The following LRMDA variants were observed in gnomAD, a reference collection of about 807,000 sequenced individuals.
The protein encoded by LRMDA is leucine-rich melanocyte differentiation-associated protein.
Under a neutral mutation model 29.8 loss-of-function variants are expected in LRMDA, and 18 were observed. The ratio of observed to expected loss-of-function variants is 0.60; its 90% confidence interval spans 0.42 to 0.90. LRMDA has a LOEUF of 0.90. Ranked by LOEUF, LRMDA falls within the 40% of genes least tolerant of loss-of-function variation. The pLI is 0.00. For missense variants in LRMDA, 273 were observed against 273.9 expected (o/e 1.00, Z 0.02); for synonymous variants, 125 against 109.4 (o/e 1.14, Z -0.89).
intron 2 of LRMDA, among the ~76,000 whole-genome samples, chr10:75,898,010 G>C (rs1458193298): frequency 2.0e-5 from 3 of 151,748 alleles, no homozygotes; most frequent in Non-Finnish European, 4.4e-5. Context: ...ATTTTTAGTA[G>C]AGACGGGGTT....
chr10:76,248,151 A>C (rs1370175954), intron 5 of LRMDA, among the ~76,000 whole-genome samples: 2 of 152,140 alleles, frequency 1.3e-5, no homozygotes, highest in Non-Finnish European at 2.9e-5. Flanking sequence ...AGAGTCATTT[A>C]ATAATGTCTG....
intron 2 of LRMDA, among the ~76,000 whole-genome samples, chr10:76,020,122 G>T (rs73279691): frequency 6.6e-6 from 1 of 152,166 alleles, no homozygotes; most frequent in Admixed American, 6.5e-5. Context: ...GCTGAGGAAG[G>T]GCTGCTTGGC....
At chr10:76,332,969 A>C (rs952926271) in intron 6 of LRMDA, among the ~76,000 whole-genome samples, 1 of 152,214 alleles carries the variant, frequency 6.6e-6, no homozygotes. Context: ...GAGCTCTATT[A>C]GTTGGTAAAA....
At chr10:75,829,374 T>C (rs1325186737) in intron 2 of LRMDA, among the ~76,000 whole-genome samples, 1 of 152,136 alleles carries the variant, frequency 6.6e-6, no homozygotes, top group Non-Finnish European at 1.5e-5. Context: ...GGAGAACAGT[T>C]GTCTTTGTTT....
intron 2 of LRMDA, among the ~76,000 whole-genome samples, chr10:75,738,519 T>C (rs2132206867): frequency 6.6e-6 from 1 of 152,308 alleles, no homozygotes; most frequent in Non-Finnish European, 1.5e-5. Context: ...GATCTCCCAA[T>C]TTTGCATGAA....
At chr10:76,170,922 A>T (rs1173539046) in intron 5 of LRMDA, among the ~76,000 whole-genome samples, 1 of 152,246 alleles carries the variant, frequency 6.6e-6, no homozygotes, top group Non-Finnish European at 1.5e-5. Flanking sequence ...GGAGTTAATA[A>T]ATATGAAATG....
intron 6 of LRMDA, among the ~76,000 whole-genome samples, chr10:76,519,539 T>G (rs1466041901): frequency 1.3e-5 from 2 of 152,172 alleles, no homozygotes; most frequent in Non-Finnish European, 2.9e-5. Context: ...GAGAAGGACA[T>G]AAAGAGAAAG....
chr10:76,372,535 C>T (rs1029413048), intron 6 of LRMDA, among the ~76,000 whole-genome samples: 14 of 151,750 alleles, frequency 9.2e-5, no homozygotes, highest in Non-Finnish European at 1.3e-4. Flanking sequence ...ATCACTTGAA[C>T]CGAGGAGGCA....
chr10:75,787,035 G>T (rs890879030), intron 2 of LRMDA, among the ~76,000 whole-genome samples: 1 of 152,200 alleles, frequency 6.6e-6, no homozygotes, highest in South Asian at 2.1e-4. Context: ...GCCCCCACTA[G>T]ATTTGTCTGT....
chr10:75,801,697 C>T (rs903644633), intron 2 of LRMDA, among the ~76,000 whole-genome samples: 4 of 152,218 alleles, frequency 2.6e-5, no homozygotes, highest in East Asian at 1.9e-4. Context: ...ATGAAGTTTA[C>T]ATCCAGGGAT....
At chr10:75,482,454 G>A (rs751400032) in intron 2 of LRMDA, among the ~76,000 whole-genome samples, 5 of 152,216 alleles carry the variant, frequency 3.3e-5, no homozygotes, top group African/African-American at 1.2e-4. Flanking sequence ...CATCTTGGCA[G>A]TAGATGGCTG....
At chr10:75,959,519 A>ATG (rs937441193) in intron 2 of LRMDA, among the ~76,000 whole-genome samples, 2 of 122,872 alleles carry the variant, frequency 1.6e-5, no homozygotes, top group Non-Finnish European at 3.1e-5. Flanking sequence ...ACGTGCATGC[A>ATG]CACACACACA....
chr10:76,418,126 T>C (rs1354108714), intron 6 of LRMDA, among the ~76,000 whole-genome samples: 1 of 152,086 alleles, frequency 6.6e-6, no homozygotes, highest in Admixed American at 6.6e-5. Context: ...TCCATACAAG[T>C]TTTAGAATCA....
chr10:75,500,655 G>A (rs1245223263), intron 2 of LRMDA, among the ~76,000 whole-genome samples: 2 of 152,164 alleles, frequency 1.3e-5, no homozygotes, highest in African/African-American at 2.4e-5. Context: ...GCATGGCTAG[G>A]GAGGCCTCAG....
At chr10:76,214,003 G>A (rs1851681305) in intron 5 of LRMDA, among the ~76,000 whole-genome samples, 1 of 152,202 alleles carries the variant, frequency 6.6e-6, no homozygotes, top group Admixed American at 6.5e-5. Flanking sequence ...ATCAGGGCCT[G>A]GATTCCAGCT....
At chr10:75,820,974 C>T (rs1054961025) in intron 2 of LRMDA, among the ~76,000 whole-genome samples, 1 of 152,056 alleles carries the variant, frequency 6.6e-6, no homozygotes, top group Admixed American at 6.6e-5. Context: ...AATAGAAATC[C>T]TGAACAGACC....
At chr10:75,594,891 T>G (rs1270765749) in intron 2 of LRMDA, among the ~76,000 whole-genome samples, 1 of 152,214 alleles carries the variant, frequency 6.6e-6, no homozygotes, top group East Asian at 1.9e-4. Flanking sequence ...TGAGACTCCC[T>G]GTTTTTTCCT....
At chr10:75,913,350 G>A (rs1009788422) in intron 2 of LRMDA, among the ~76,000 whole-genome samples, 3 of 152,052 alleles carry the variant, frequency 2.0e-5, no homozygotes, top group Non-Finnish European at 4.4e-5. Context: ...CCAGCTACCC[G>A]GGGGGCTGAG....
At chr10:76,546,888 C>T (rs1843426537) in intron 6 of LRMDA, among the ~76,000 whole-genome samples, 1 of 152,146 alleles carries the variant, frequency 6.6e-6, no homozygotes, top group South Asian at 2.1e-4. Flanking sequence ...AAAATAGTTA[C>T]TTGACCCATG....
Sources: allele counts gnomAD v4.1 joint callset (sites outside exome capture counted in the v4.1 genomes callset), GRCh38; gene constraint gnomAD v4.1.1; transcripts MANE v1.5; gene names NCBI Gene and HGNC (gene_info 2026-07-23, HGNC 2026-07-21).